Variants in ATE1 observed in about 807,000 individuals in gnomAD.
ATE1 encodes the protein arginyltransferase 1, also known as arginyl-tRNA--protein transferase 1.
A neutral mutation model predicts 70.5 loss-of-function variants in ATE1; 36 were observed. That is an observed-to-expected ratio of 0.51 (90% CI 0.39 to 0.67). The LOEUF is 0.67. ATE1 is among the 30% of genes least tolerant of loss of function. The pLI is 0.00. For synonymous variants in ATE1, 232 were observed against 219.3 expected (o/e 1.06, Z -0.51); for missense variants, 593 against 629.5 (o/e 0.94, Z 0.62).
intron 7 of ATE1, among the ~76,000 whole-genome samples, chr10:121,871,658 C>T (rs540572563): frequency 6.6e-6 from 1 of 151,672 alleles, no homozygotes; most frequent in Non-Finnish European, 1.5e-5. Flanking sequence ...CATACCAAAG[C>T]CATTCAATTA....
chr10:121,743,877 C>G lies in ATE1; in HGVS notation c.1379-19G>C, dbSNP rs769462589. The G allele has an allele frequency of 2.6e-6, 4 of 1,510,968 alleles. No individual in the cohort carries two copies. The highest frequency in any genetic ancestry group is 4.1e-5 in the Admixed American group (2 of 48,498). 93.6% of individuals were successfully genotyped at this position (1,510,968 alleles called of 1,614,324 possible). Reference sequence around the variant, plus strand: ...TCATCCACTGCAACGACAAAAAATACTGATTTGTAAAATGTCACATATCAA... The same window carrying G: ...TCATCCACTGCAACGACAAAAAATAGTGATTTGTAAAATGTCACATATCAA... On this transcript the variant is annotated intron_variant, in intron 11 of 11. Coordinates refer to ENST00000224652, the MANE Select transcript of ATE1 (RefSeq NM_001001976.3).
chr10:121,882,299 C>T (rs1950252821), intron 7 of ATE1, among the ~76,000 whole-genome samples: 1 of 151,968 alleles, frequency 6.6e-6, no homozygotes, highest in African/African-American at 2.4e-5. Context: ...ACAAAACAAC[C>T]AAGAAAAATA....
chr10:121,911,757 T>G (rs1026444002), intron 4 of ATE1, among the ~76,000 whole-genome samples: 31 of 147,916 alleles, frequency 2.1e-4, no homozygotes, highest in African/African-American at 7.9e-4. Context: ...GAAACAGACT[T>G]TTTTTTTTTT....
At chr10:121,771,179 C>G (rs188288827) in intron 11 of ATE1, among the ~76,000 whole-genome samples, 1 of 152,284 alleles carries the variant, frequency 6.6e-6, no homozygotes, top group Admixed American at 6.5e-5. Context: ...TCAAGCAATT[C>G]TCTATCTCAG....
At chr10:121,745,190 T>C (rs1424804262) in intron 11 of ATE1, among the ~76,000 whole-genome samples, 3 of 152,218 alleles carry the variant, frequency 2.0e-5, no homozygotes, top group Non-Finnish European at 4.4e-5. Context: ...TCCTAAAGAA[T>C]ATAGAGAATA....
At chr10:121,905,236 G>C (rs1951143137) in intron 5 of ATE1, among the ~76,000 whole-genome samples, 1 of 152,140 alleles carries the variant, frequency 6.6e-6, no homozygotes, top group South Asian at 2.1e-4. Context: ...CATTCAATTA[G>C]GGTTAACTAT....
chr10:121,770,451 G>A (rs1945464855), intron 11 of ATE1, among the ~76,000 whole-genome samples: 1 of 152,100 alleles, frequency 6.6e-6, no homozygotes, highest in Non-Finnish European at 1.5e-5. Flanking sequence ...GGATACTGCT[G>A]ATTTTTATAA....
At chr10:121,915,185 A>C (rs889683476) in intron 3 of ATE1, among the ~76,000 whole-genome samples, 2 of 152,242 alleles carry the variant, frequency 1.3e-5, no homozygotes, top group African/African-American at 4.8e-5. Context: ...TCGTTTATTA[A>C]GCCACTACAT....
Position 121,899,949 on chromosome 10 carries a change from T to A in ATE1, c.859A>T (p.Thr287Ser). Residue 287 changes from threonine to serine, a missense_variant, in exon 7 of 12, where the codon ACA (threonine) becomes TCA (serine). Physicochemically the swap from Thr to Ser is moderately conservative, Grantham distance 58. Around this residue, in one of 3 missense-constraint regions of ATE1, gnomAD observed 467 missense variants for 469.6 expected, o/e 0.99. Transcript: ENST00000224652. ...SSPPSSQFKA[T>S]LLESYQVYKR... ...TAGACCTGGTAAGACTCCAGAAGTG[T>A]GGCTTTGAACTGCGAACTTGGTGGA... The A allele has an allele frequency of 6.2e-7, 1 of 1,614,072 alleles. No individual in the cohort carries two copies. The highest frequency in any genetic ancestry group is 8.5e-7 in the Non-Finnish European group (1 of 1,179,942).
At chr10:121,790,421 C>G (rs1946387498) in intron 10 of ATE1, 132 bp from the exon 11 acceptor site, 1 of 1,146,074 alleles carries the variant, frequency 8.7e-7, no homozygotes, top group Non-Finnish European at 1.2e-6. Context: ...ACTGTAAATA[C>G]TAAGCAACCC....
chr10:121,782,164 C>G (rs761527244), intron 11 of ATE1, among the ~76,000 whole-genome samples: 51 of 152,190 alleles, frequency 3.4e-4, no homozygotes, highest in Non-Finnish European at 6.5e-4. Flanking sequence ...TTATGTCTGT[C>G]TGCGAGTCAG....
chr10:121,751,994 C>T (rs565379465), intron 11 of ATE1, among the ~76,000 whole-genome samples: 1 of 151,706 alleles, frequency 6.6e-6, no homozygotes, highest in Admixed American at 6.6e-5. Flanking sequence ...GAAATCGAGA[C>T]CATCCTGGCT....
chr10:121,818,943 C>T (rs1217313206), intron 10 of ATE1, among the ~76,000 whole-genome samples: 3 of 152,260 alleles, frequency 2.0e-5, no homozygotes, highest in South Asian at 2.1e-4. Context: ...ATACTGATAC[C>T]ATTTTTTTAA....
intron 3 of ATE1, among the ~76,000 whole-genome samples, chr10:121,920,943 G>A (rs369323443): frequency 6.6e-6 from 1 of 151,378 alleles, no homozygotes; most frequent in Non-Finnish European, 1.5e-5. Flanking sequence ...GCAGTGAGCC[G>A]AGATCGCGCC....
intron 10 of ATE1, among the ~76,000 whole-genome samples, chr10:121,813,083 T>G (rs893630680): frequency 6.6e-6 from 1 of 152,230 alleles, no homozygotes; most frequent in Non-Finnish European, 1.5e-5. Context: ...TAATAGAATA[T>G]TCTCTACCAT....
At chr10:121,819,679 C>CAAAAAA (rs57035123) in intron 10 of ATE1, among the ~76,000 whole-genome samples, 2,077 of 52,518 alleles carry the variant, frequency 0.04, 525 homozygotes, top group African/African-American at 0.15. Flanking sequence ...AAGACTGTCT[C>CAAAAAA]AAAAAAAAAA....
Position 121,743,606 on chromosome 10 carries a change from C to A in ATE1, c.*74G>T. The A allele has an allele frequency of 6.9e-7, 1 of 1,443,758 alleles. No individual in the cohort carries two copies. The highest frequency in any genetic ancestry group is 9.1e-7 in the Non-Finnish European group (1 of 1,100,688). The allele number at this position is 1,443,758 out of a possible 1,614,324, so 89.4% of individuals were successfully genotyped here. ...TTTGTGGGTGGTGACAGTTATTTCC[C>A]CACAGGTACTGAATATGTATCCTGG... On this transcript the variant is annotated 3_prime_UTR_variant, in exon 12 of 12. Coordinates refer to ENST00000224652, the MANE Select transcript of ATE1 (RefSeq NM_001001976.3).
At chr10:121,872,344 C>T (rs1410649528) in intron 7 of ATE1, among the ~76,000 whole-genome samples, 1 of 152,142 alleles carries the variant, frequency 6.6e-6, no homozygotes, top group Non-Finnish European at 1.5e-5. Context: ...AATTCTCATC[C>T]TGTTTGAAGC....
Position 121,855,052 on chromosome 10 carries a change from C to T in ATE1, c.976-13789G>A, listed in dbSNP as rs114106942. Among the ~76,000 whole-genome samples, 863 of 152,294 alleles carry T rather than the reference C, an allele frequency of 5.7e-3. 8 individuals carry two copies. The highest frequency in any genetic ancestry group is 0.02 in the African/African-American group (826 of 41,558). On this transcript the variant is annotated intron_variant, in intron 8 of 11. Coordinates refer to ENST00000224652, the MANE Select transcript of ATE1 (RefSeq NM_001001976.3). ...CAGATAAGGGGAGTTACACAGACAG[C>T]TTCACACGTAAGGGAAGTTACACAA...
Sources: gnomAD v4.1 joint callset for allele counts (sites outside exome capture counted in the v4.1 genomes callset) on GRCh38, gnomAD v4.1.1 for gene constraint, gnomAD v4.1.1 regional missense constraint, MANE v1.5 for transcripts, NCBI Gene and HGNC (gene_info 2026-07-23, HGNC 2026-07-21) for gene names.